The following AGAP1 variants were observed in gnomAD, a reference collection of about 807,000 sequenced individuals.
The protein encoded by AGAP1 is ArfGAP with GTPase domain, ankyrin repeat and PH domain 1, also known as arf-GAP with GTPase, ANK repeat and PH domain-containing protein 1.
Under a neutral mutation model 105.3 loss-of-function variants are expected in AGAP1, and 29 were observed. The observed-to-expected ratio is 0.28, with a 90% CI of 0.21 to 0.38. The LOEUF (loss-of-function observed/expected upper bound fraction) is 0.38, where lower values mean the gene tolerates loss of function less well. AGAP1 is among the 10% of genes least tolerant of loss of function. The pLI is 1.00. For synonymous variants in AGAP1, 509 were observed against 485.9 expected, an observed-to-expected ratio of 1.05 and a Z score of -0.63; for missense variants, 998 against 1,165.1, an observed-to-expected ratio of 0.86 and a Z score of 2.09.
chr2:235,661,100 G>A (rs111254739), intron 1 of AGAP1, among the ~76,000 whole-genome samples: 6 of 152,156 alleles, frequency 3.9e-5, no homozygotes, highest in South Asian at 2.1e-4. Flanking sequence ...AGTAGGCTAC[G>A]TCTGGGGGTG....
chr2:236,013,593 T>TC (rs5839616), intron 13 of AGAP1, among the ~76,000 whole-genome samples: 99,742 of 152,000 alleles, frequency 0.66, 34,127 homozygotes, highest in African/African-American at 0.85. Context: ...GGCCTGCCCG[T>TC]CCAGATAAGT....
At chr2:235,682,324 C>G (rs2149402419) in intron 1 of AGAP1, among the ~76,000 whole-genome samples, 2 of 151,892 alleles carry the variant, frequency 1.3e-5, no homozygotes, top group South Asian at 2.1e-4. Context: ...AACCAGGATC[C>G]TGTTTTGTGG....
Position 235,927,284 on chromosome 2 carries a change from T to C in AGAP1, c.1325-3481T>C, listed in dbSNP as rs1404341211. On this transcript the variant is annotated intron_variant, in intron 11 of 17. Transcript: ENST00000304032. The surrounding 1 kb of genome is among the most constrained non-coding windows in gnomAD (Gnocchi z 4.4). ...GCATGTGGTCTTGCCAGGAGGTTCG[T>C]CACCCCAGAGGTTCCAGGTTGGTTC... Among the ~76,000 whole-genome samples, 1 of 152,154 alleles carries C rather than the reference T, an allele frequency of 6.6e-6. No individual in the cohort carries two copies. Among genetic ancestry groups the C allele is most frequent in the Non-Finnish European group, 1.5e-5 (1 of 68,026 alleles).
In AGAP1 at chr2:235,908,655, C is replaced by CGTCTGAGTTAAAAAG. The variant is rs1443705021; in HGVS notation, c.1156-77_1156-76insGTTAAAAAGGTCTGA. 5 of 1,326,080 alleles carry CGTCTGAGTTAAAAAG rather than the reference C, an allele frequency of 3.8e-6. No homozygotes were observed. Among genetic ancestry groups the CGTCTGAGTTAAAAAG allele is most frequent in the Non-Finnish European group, 5.2e-6 (5 of 967,778 alleles). 82.1% of individuals were successfully genotyped at this position (1,326,080 alleles called of 1,614,324 possible). A position where few individuals can be genotyped will look rare whatever the true frequency, so the allele number is the denominator to read the frequency against. On this transcript the variant is annotated intron_variant, in intron 10 of 17. Transcript: ENST00000304032. This position sits in a 1 kb window ranked among gnomAD's most constrained non-coding sequence, Gnocchi z 4.4. Reference sequence around the variant, plus strand: ...AGGGTCATAGGGTTTTAACTCATGACGTCTGATAGACCCTTTTGTTCTAGG... The same window carrying CGTCTGAGTTAAAAAG: ...AGGGTCATAGGGTTTTAACTCATGACGTCTGAGTTAAAAAGGTCTGATAGACCCTTTTGTTCTAGG...
chr2:236,071,795 T>C (rs1332106714), intron 16 of AGAP1, among the ~76,000 whole-genome samples: 1 of 152,228 alleles, frequency 6.6e-6, no homozygotes, highest in Non-Finnish European at 1.5e-5. Flanking sequence ...TCGCTGCTGC[T>C]CAGCCCCTGT....
chr2:235,589,199 T>TTG lies in AGAP1; in HGVS notation c.163+94351_163+94352insGT, dbSNP rs1553573646. Among the ~76,000 whole-genome samples, 46 of 98,748 alleles carry TTG rather than the reference T, an allele frequency of 4.7e-4. 1 individual carries two copies. The highest frequency in any genetic ancestry group is 2.6e-3 in the African/African-American group (43 of 16,508). 64.8% of individuals were successfully genotyped at this position (98,748 alleles called of 152,430 possible). A position where few individuals can be genotyped will look rare whatever the true frequency, so the allele number is the denominator to read the frequency against. On this transcript the variant is annotated intron_variant, in intron 1 of 17. Coordinates refer to ENST00000304032, the MANE Select transcript of AGAP1 (RefSeq NM_001037131.3). ...AGTTAATAGCTTATTGTTTTGTTTT[T>TTG]TTTTTTTTTTTTTTTTTTTTTTTGA...
intron 12 of AGAP1, among the ~76,000 whole-genome samples, chr2:235,933,950 A>G (rs2052859215): frequency 1.3e-5 from 2 of 152,232 alleles, no homozygotes; most frequent in African/African-American, 4.8e-5. Context: ...TGATCCTCAC[A>G]GAGTAGATCC....
intron 9 of AGAP1, among the ~76,000 whole-genome samples, chr2:235,816,251 C>T (rs1384319000): frequency 2.0e-5 from 3 of 151,488 alleles, no homozygotes; most frequent in Non-Finnish European, 2.9e-5. Flanking sequence ...TCCTGACTAA[C>T]ATGGTAAAAC....
chr2:235,726,354 AACC>A (rs1951644870), intron 3 of AGAP1, among the ~76,000 whole-genome samples: 1 of 152,198 alleles, frequency 6.6e-6, no homozygotes, highest in African/African-American at 2.4e-5. Flanking sequence ...TTTCCTAAGA[AACC>A]TCACGGCATC....
chr2:235,891,693 G>A lies in AGAP1; in HGVS notation c.1155+8244G>A, dbSNP rs1382108803. ...GTGGACCTGGAAGGATGAGCTGAGT[G>A]GCCTCACGGTCAAGCCAAGGACTTC... On this transcript the variant is annotated intron_variant, in intron 10 of 17. Transcript: ENST00000304032. This position sits in a 1 kb window ranked among gnomAD's most constrained non-coding sequence, Gnocchi z 4.2. Among the ~76,000 whole-genome samples, 15 of 152,152 alleles carry A rather than the reference G, an allele frequency of 9.9e-5. No individual in the cohort carries two copies. Among genetic ancestry groups the A allele is most frequent in the Non-Finnish European group, 2.2e-4 (15 of 68,018 alleles).
chr2:235,657,397 G>A (rs905930241), intron 1 of AGAP1, among the ~76,000 whole-genome samples: 3 of 152,098 alleles, frequency 2.0e-5, no homozygotes, highest in African/African-American at 7.2e-5. Flanking sequence ...ATTATTATTT[G>A]AGGTGGAGTT....
At chr2:235,673,474 C>G (rs1382278101) in intron 1 of AGAP1, among the ~76,000 whole-genome samples, 2 of 152,120 alleles carry the variant, frequency 1.3e-5, no homozygotes, top group Non-Finnish European at 2.9e-5. Context: ...TTATATAGAA[C>G]GCTGCTTGTG....
At position 236,046,374 on chromosome 2, in the gene AGAP1, A is replaced by G. The variant is rs890508123; in HGVS notation, c.1892-2685A>G. On this transcript the variant is annotated intron_variant, in intron 15 of 17. Transcript: ENST00000304032. The surrounding 1 kb of genome is among the most constrained non-coding windows in gnomAD (Gnocchi z 5.2). ...AGGGAAGTGACGGGCAAGGCCGCAG[A>G]CAGGAGCCCCTTGCACCCCAGTTGC... is the stretch of plus-strand genomic sequence containing the variant. Among the ~76,000 whole-genome samples, 1 of 152,196 alleles carries G rather than the reference A, an allele frequency of 6.6e-6. No homozygotes were observed. Among genetic ancestry groups the G allele is most frequent in the African/African-American group, 2.4e-5 (1 of 41,450 alleles).
chr2:236,099,431 G>A (rs994220516), intron 16 of AGAP1, among the ~76,000 whole-genome samples: 4 of 151,330 alleles, frequency 2.6e-5, no homozygotes, highest in South Asian at 2.1e-4. Context: ...CTCCAGCCTG[G>A]GCGACAGAGC....
intron 15 of AGAP1, among the ~76,000 whole-genome samples, chr2:236,047,864 A>G (rs547348034): frequency 4.0e-4 from 60 of 151,810 alleles, no homozygotes; most frequent in African/African-American, 1.2e-3. Flanking sequence ...GGCCTCCCAA[A>G]GTGCTGGGAT....
At position 235,750,498 on chromosome 2, in the gene AGAP1, C is replaced by T. The variant is rs200368421; in HGVS notation, c.673+10C>T. 2.2e-5 allele frequency: 36 copies of T among 1,614,042 alleles called. No homozygotes were observed. The highest frequency in any genetic ancestry group is 5.0e-5 in the Admixed American group (3 of 60,020). ...AGGGTCTTCCAGGACGGTAAATGCG[C>T]GTGGCTGGGAGTTTAATTTCAGTTC... On this transcript the variant is annotated intron_variant, in intron 6 of 17. Coordinates refer to ENST00000304032, the MANE Select transcript of AGAP1 (RefSeq NM_001037131.3). The surrounding 1 kb of genome is among the most constrained non-coding windows in gnomAD (Gnocchi z 5.3).
intron 13 of AGAP1, among the ~76,000 whole-genome samples, chr2:236,029,350 A>G (rs1200436899): frequency 1.3e-5 from 2 of 150,020 alleles, no homozygotes; most frequent in Non-Finnish European, 3.0e-5. Context: ...ATCTCGGCTC[A>G]CTGCAACCTC....
At chr2:235,869,420 T>TA (rs35813316) in intron 9 of AGAP1, among the ~76,000 whole-genome samples, 905 of 49,928 alleles carry the variant, frequency 0.018, 50 homozygotes, top group African/African-American at 0.044. Flanking sequence ...CCATCTCTAC[T>TA]AAAAAAAAAA....
chr2:236,031,342 G>A (rs2057218208), intron 13 of AGAP1, among the ~76,000 whole-genome samples: 1 of 152,168 alleles, frequency 6.6e-6, no homozygotes, highest in Admixed American at 6.5e-5. Flanking sequence ...GAGAACTATA[G>A]TTGCACAGTG....
Sources: gnomAD v4.1 joint callset for allele counts (sites outside exome capture counted in the v4.1 genomes callset) on GRCh38, gnomAD v4.1.1 for gene constraint, Gnocchi (gnomAD v3.1) non-coding constraint, MANE v1.5 for transcripts, NCBI Gene and HGNC (gene_info 2026-07-23, HGNC 2026-07-21) for gene names.